Variants in SLC12A1 observed in about 807,000 individuals in gnomAD.
SLC12A1 encodes the protein solute carrier family 12 member 1.
Under a neutral mutation model 130.4 loss-of-function variants are expected in SLC12A1, and 89 were observed. The observed-to-expected ratio is 0.68, with a 90% CI of 0.58 to 0.81. SLC12A1 has a LOEUF of 0.81. Ranked by LOEUF, SLC12A1 falls within the 40% of genes least tolerant of loss-of-function variation. The pLI is 0.00. For synonymous variants in SLC12A1, 499 were observed against 460.0 expected, an observed-to-expected ratio of 1.08 and a Z score of -1.09; for missense variants, 1,310 against 1,336.4, an observed-to-expected ratio of 0.98 and a Z score of 0.31.
rs2040999699 is a variant in SLC12A1, at chr15:48,207,821, A to T, written c.102A>T (p.Ala34=). ...SVINENHESS[A]AADDNTDPPH... is the part of the protein sequence containing the mutation. ...TAAATGAGAACCATGAGAGCAGTGCAGCTGCAGATGACAATACTGACCCAC... is the reference window on the plus strand; with the variant it reads ...TAAATGAGAACCATGAGAGCAGTGCTGCTGCAGATGACAATACTGACCCAC... The change falls in exon 2 of 27, where the codon GCA becomes GCT. Residue 34 remains alanine (A), a synonymous_variant. Coordinates refer to ENST00000380993, the MANE Select transcript of SLC12A1 (RefSeq NM_000338.3). 2 of 1,614,022 alleles carry T rather than the reference A, an allele frequency of 1.2e-6. No individual in the cohort carries two copies. Among genetic ancestry groups the T allele is most frequent in the East Asian group, 4.5e-5 (2 of 44,890 alleles).
intron 9 of SLC12A1, among the ~76,000 whole-genome samples, chr15:48,238,024 GA>G (rs201083408): frequency 8.0e-5 from 12 of 150,378 alleles, no homozygotes; most frequent in South Asian, 2.1e-4. Context: ...AGAAGAAATA[GA>G]AAAAAAAATG....
intron 15 of SLC12A1, among the ~76,000 whole-genome samples, chr15:48,252,989 A>G (rs955640502): frequency 6.6e-6 from 1 of 152,210 alleles, no homozygotes; most frequent in African/African-American, 2.4e-5. Flanking sequence ...AGGCTAATCA[A>G]TTGGATAAAC....
In SLC12A1 at chr15:48,232,733, G is replaced by C. The variant is rs1821599706; in HGVS notation, c.982G>C (p.Val328Leu). The C allele has an allele frequency of 6.2e-7, 1 of 1,600,038 alleles. No homozygotes were observed. Among genetic ancestry groups the C allele is most frequent in the Non-Finnish European group, 8.6e-7 (1 of 1,167,198 alleles). ...TTTTACCTTTCCATTCCAGGCCCAAGTCATTCTTCTGGTCATTCTTCTAAT... is the reference window on the plus strand; with the variant it reads ...TTTTACCTTTCCATTCCAGGCCCAACTCATTCTTCTGGTCATTCTTCTAAT... The part of the protein sequence containing the change: ...AGMEWEAKAQ[V>L]ILLVILLIAI... The change falls in exon 8 of 27, where the codon GTC becomes CTC. Residue 328 changes from valine to leucine, a missense_variant. Val to Leu is a conservative substitution (Grantham distance 32). Transcript: ENST00000380993.
intron 2 of SLC12A1, among the ~76,000 whole-genome samples, chr15:48,219,819 G>A (rs561169075): frequency 2.7e-4 from 41 of 152,134 alleles, no homozygotes; most frequent in African/African-American, 4.1e-4. Flanking sequence ...TTGGGAGGCC[G>A]AGGCAGGCGG....
At chr15:48,228,357 T>G (rs1567310291) in intron 5 of SLC12A1, 1 of 153,026 alleles carries the variant, frequency 6.5e-6, no homozygotes, top group Non-Finnish European at 1.5e-5. Flanking sequence ...CACTTGCAAC[T>G]CCCAAACACT....
Position 48,245,744 on chromosome 15 carries a change from C to A in SLC12A1, c.1452+840C>A, listed in dbSNP as rs116504086. Among the ~76,000 whole-genome samples, 854 of 152,258 alleles carry A rather than the reference C, an allele frequency of 5.6e-3. 10 individuals carry two copies. The highest frequency in any genetic ancestry group is 0.02 in the African/African-American group (818 of 41,558). On this transcript the variant is annotated intron_variant, in intron 11 of 26. Transcript: ENST00000380993. ...GCAATAGACATACAGATGCCTGGAT[C>A]TTTTTGGTTGAATGATATATTTTCT...
At chr15:48,291,719 T>C in intron 23 of SLC12A1, 59 bp from the exon 24 acceptor site, 2 of 1,055,604 alleles carry the variant, frequency 1.9e-6, no homozygotes, top group East Asian at 2.6e-5. Flanking sequence ...AACAAAAAAC[T>C]CTTTGATTGA....
intron 9 of SLC12A1, among the ~76,000 whole-genome samples, chr15:48,239,379 T>C (rs1473119009): frequency 1.3e-5 from 2 of 152,000 alleles, no homozygotes; most frequent in Admixed American, 1.3e-4. Flanking sequence ...CTGGGCGTGG[T>C]GGCACACACC....
chr15:48,225,970 C>T (rs775161381), intron 4 of SLC12A1: 1 of 811,624 alleles, frequency 1.2e-6, no homozygotes, highest in Non-Finnish European at 1.5e-6. Context: ...GTGACCCGCA[C>T]CATCATTTGT....
intron 8 of SLC12A1, among the ~76,000 whole-genome samples, 169 bp from the exon 9 acceptor site, chr15:48,234,708 G>A (rs1248394148): frequency 7.3e-5 from 11 of 151,654 alleles, no homozygotes; most frequent in East Asian, 1.9e-4. Flanking sequence ...AGCTGAGATC[G>A]TGCCATTGCA....
rs377128673 is a variant in SLC12A1, at chr15:48,275,973, C to T, written c.2485+1320C>T. Among the ~76,000 whole-genome samples the T allele has an allele frequency of 2.6e-4, 40 of 152,238 alleles. No individual in the cohort carries two copies. The East Asian group carries it at 4.6e-3, about 18-fold the overall frequency. ...ATGGAAATAGATAAATCAAAGAGTT[C>T]TACAATAATCAAACAAGACAAGGTG... On this transcript the variant is annotated intron_variant, in intron 20 of 26. Transcript: ENST00000380993.
At chr15:48,253,502 G>C (rs576650315) in intron 15 of SLC12A1, among the ~76,000 whole-genome samples, 18 of 152,306 alleles carry the variant, frequency 1.2e-4, no homozygotes, top group African/African-American at 4.1e-4. Context: ...TATCCATGCT[G>C]TTGCATATGT....
At chr15:48,286,160 C>T (rs114205582) in intron 21 of SLC12A1, among the ~76,000 whole-genome samples, 35 of 152,256 alleles carry the variant, frequency 2.3e-4, no homozygotes, top group African/African-American at 8.2e-4. Context: ...CCCTGTAAAT[C>T]GTTTGTCTGT....
chr15:48,222,792 G>C (rs2041232499), intron 4 of SLC12A1: 1 of 152,124 alleles, frequency 6.6e-6, no homozygotes, highest in Non-Finnish European at 1.5e-5. Flanking sequence ...CTTGCTTTGG[G>C]GGTAGATTGA....
intron 4 of SLC12A1, 120 bp downstream of exon 4, chr15:48,221,116 C>T (rs888806578): frequency 3.2e-6 from 3 of 950,890 alleles, no homozygotes; most frequent in African/African-American, 3.2e-5. Flanking sequence ...TACAGTTGGG[C>T]TCCTTTTACT....
At chr15:48,229,458 G>A in intron 6 of SLC12A1, 130 bp downstream of exon 6, 1 of 879,272 alleles carries the variant, frequency 1.1e-6, no homozygotes, top group East Asian at 2.7e-5. Flanking sequence ...AGGAGCCTGG[G>A]CTTGGCATCA....
chr15:48,236,137 AAAGTAG>A (rs2041437965), intron 9 of SLC12A1, among the ~76,000 whole-genome samples: 1 of 151,530 alleles, frequency 6.6e-6, no homozygotes, highest in Non-Finnish European at 1.5e-5. Context: ...ACACACACGC[AAAGTAG>A]AAGACACAGG....
At chr15:48,261,000 T>A (rs1180674314) in intron 17 of SLC12A1, among the ~76,000 whole-genome samples, 1 of 152,198 alleles carries the variant, frequency 6.6e-6, no homozygotes, top group Non-Finnish European at 1.5e-5. Context: ...CTTGTGAGAT[T>A]GACAGGTTAA....
Position 48,244,887 on chromosome 15 carries a change from C to T in SLC12A1, c.1435C>T (p.Leu479=), listed in dbSNP as rs1045187191. ...RCRHEPCQYG[L]MNNFQVMSMV... ...TCGACATGAACCATGTCAGTACGGG[C>T]TGATGAACAATTTCCAGGTTTGAAG... Residue 479 remains leucine (L), a synonymous_variant, in exon 11 of 27, where the codon CTG becomes TTG. Transcript: ENST00000380993. 4 of 1,613,678 alleles carry T rather than the reference C, an allele frequency of 2.5e-6. No individual in the cohort carries two copies. The highest frequency in any genetic ancestry group is 1.6e-4 in the Middle Eastern group (1 of 6,084).
Sources: allele counts gnomAD v4.1 joint callset (sites outside exome capture counted in the v4.1 genomes callset), GRCh38; gene constraint gnomAD v4.1.1; transcripts MANE v1.5; gene names NCBI Gene and HGNC (gene_info 2026-07-23, HGNC 2026-07-21).